Variants in GBF1 observed in about 807,000 individuals in gnomAD.
GBF1 encodes Golgi-specific brefeldin A-resistance guanine nucleotide exchange factor 1.
In GBF1, 114 loss-of-function variants were observed where a neutral mutation model predicts 210.5. The ratio of observed to expected loss-of-function variants is 0.54; its 90% CI spans 0.47 to 0.63. GBF1 has a LOEUF of 0.63. Ranked by LOEUF, GBF1 falls within the 30% of genes least tolerant of loss-of-function variation. GBF1 has a pLI of 0.00. For missense variants in GBF1, 1,851 were observed against 2,357.7 expected (o/e 0.79, Z 4.45); for synonymous variants, 850 against 889.2 (o/e 0.96, Z 0.78).
chr10:102,323,307 G>A (rs1237981933), intron 3 of GBF1, among the ~76,000 whole-genome samples: 1 of 149,608 alleles, frequency 6.7e-6, no homozygotes. Context: ...GGGCATGGAA[G>A]TCCCAGATTG....
chr10:102,342,271 T>G (rs1172504209), intron 3 of GBF1, among the ~76,000 whole-genome samples: 2 of 152,038 alleles, frequency 1.3e-5, no homozygotes, highest in African/African-American at 2.4e-5. Flanking sequence ...TCTCCTGACC[T>G]CGTGATGCGC....
In GBF1 at chr10:102,366,279, C is replaced by T; in HGVS notation, c.2310-104C>T. 1 of 1,231,524 alleles carries T rather than the reference C, an allele frequency of 8.1e-7. No homozygotes were observed. 76.3% of individuals were successfully genotyped at this position (1,231,524 alleles called of 1,614,324 possible). On this transcript the variant is annotated intron_variant, in intron 18 of 39. Coordinates refer to ENST00000369983, the MANE Select transcript of GBF1 (RefSeq NM_001377137.1). This position sits in a 1 kb window ranked among gnomAD's most constrained non-coding sequence, Gnocchi z 4.0. ...ACTGCCCCTTTACTAGAGACCTCAGCCTCCTCTCTTCCAGTAAGAGTAGGT... is the reference window on the plus strand; with the variant it reads ...ACTGCCCCTTTACTAGAGACCTCAGTCTCCTCTCTTCCAGTAAGAGTAGGT...
intron 3 of GBF1, among the ~76,000 whole-genome samples, chr10:102,283,751 G>T (rs370645375): frequency 6.6e-6 from 1 of 152,156 alleles, no homozygotes; most frequent in African/African-American, 2.4e-5. Context: ...TGTAGGTAGG[G>T]GAAAAACGTG....
chr10:102,369,398 G>A lies in GBF1; in HGVS notation c.3150+11G>A, dbSNP rs149485523. ...AAGGCTATGATAGAGGTAATTCTTAGTAGGAGACTAGTGAGCGATAACAAG... is the reference window on the plus strand; with the variant it reads ...AAGGCTATGATAGAGGTAATTCTTAATAGGAGACTAGTGAGCGATAACAAG... On this transcript the variant is annotated intron_variant, in intron 24 of 39. Coordinates refer to ENST00000369983, the MANE Select transcript of GBF1 (RefSeq NM_001377137.1). 1.3e-4 allele frequency: 211 copies of A among 1,599,770 alleles called. 2 individuals are homozygous for A. In the East Asian group the frequency reaches 3.6e-3, roughly 27 times the overall value.
chr10:102,362,050 C>CTTTTTTTTTTTTTTT (rs1164670758), intron 14 of GBF1, 138 bp downstream of exon 14: 60 of 124,730 alleles, frequency 4.8e-4, no homozygotes, highest in African/African-American at 9.9e-4. Context: ...CTTTTCTTTT[C>CTTTTTTTTTTTTTTT]TTTTTTTTTT....
intron 3 of GBF1, among the ~76,000 whole-genome samples, chr10:102,282,228 C>A (rs2075568611): frequency 6.6e-6 from 1 of 152,028 alleles, no homozygotes; most frequent in Non-Finnish European, 1.5e-5. Context: ...AGCCACCGCG[C>A]CCGGCCGCCT....
chr10:102,361,213 A>G, intron 13 of GBF1, 93 bp downstream of exon 13: 1 of 777,166 alleles, frequency 1.3e-6, no homozygotes, highest in Non-Finnish European at 2.3e-6. Flanking sequence ...CTACAGGGGT[A>G]GGATTTAGGG....
chr10:102,339,675 AAG>A (rs1402640596), intron 3 of GBF1, among the ~76,000 whole-genome samples: 1 of 152,300 alleles, frequency 6.6e-6, no homozygotes, highest in African/African-American at 2.4e-5. Context: ...CAAAAAAAAA[AAG>A]ACTTAGTATA....
At chr10:102,314,318 A>AT (rs145582570) in intron 3 of GBF1, among the ~76,000 whole-genome samples, 3,550 of 150,980 alleles carry the variant, frequency 0.024, 132 homozygotes, top group African/African-American at 0.082. Context: ...CTAATTTTTA[A>AT]TTTTTTTTGT....
chr10:102,313,368 C>T (rs1315821096), intron 3 of GBF1, among the ~76,000 whole-genome samples: 1 of 152,124 alleles, frequency 6.6e-6, no homozygotes, highest in Non-Finnish European at 1.5e-5. Flanking sequence ...ACCAGCCGCT[C>T]TGTGGGCCTG....
intron 3 of GBF1, among the ~76,000 whole-genome samples, chr10:102,262,129 C>G (rs912384699): frequency 6.6e-6 from 1 of 152,158 alleles, no homozygotes; most frequent in Admixed American, 6.5e-5. Context: ...AAGTGATCCG[C>G]CCACCTTGGC....
intron 1 of GBF1, among the ~76,000 whole-genome samples, chr10:102,253,935 T>C (rs981355423): frequency 6.6e-6 from 1 of 152,254 alleles, no homozygotes; most frequent in Non-Finnish European, 1.5e-5. Context: ...ATTTATTTGC[T>C]GTTTATGTTT....
upstream of GBF1, among the ~76,000 whole-genome samples, chr10:102,243,937 C>T (rs2070625048): frequency 6.6e-6 from 1 of 152,126 alleles, no homozygotes; most frequent in African/African-American, 2.4e-5. Flanking sequence ...CGAGACCAGC[C>T]TGTCCAACAT....
At chr10:102,360,071 C>A in intron 11 of GBF1, 113 bp from the exon 12 acceptor site, 1 of 757,302 alleles carries the variant, frequency 1.3e-6, no homozygotes, top group South Asian at 1.5e-5. Context: ...CAGCCCTTTT[C>A]TTCAAAGAGA....
the GBF1 span, among the ~76,000 whole-genome samples, chr10:102,232,544 G>T: frequency 6.6e-6 from 1 of 152,092 alleles, no homozygotes; most frequent in Non-Finnish European, 1.5e-5. Context: ...TTGCTGGGCG[G>T]GGTGGCACGT....
chr10:102,286,019 C>T (rs2075906131), intron 3 of GBF1, among the ~76,000 whole-genome samples: 1 of 152,004 alleles, frequency 6.6e-6, no homozygotes, highest in South Asian at 2.1e-4. Context: ...AAATTGTAGC[C>T]TCTACTTACC....
chr10:102,317,242 G>A (rs760761009), intron 3 of GBF1, among the ~76,000 whole-genome samples: 3 of 152,140 alleles, frequency 2.0e-5, no homozygotes, highest in Non-Finnish European at 2.9e-5. Flanking sequence ...TCTAGCCTGG[G>A]CAACATAGTG....
the GBF1 span, chr10:102,232,161 G>GC: frequency 1.2e-6 from 1 of 854,286 alleles, no homozygotes; most frequent in African/African-American, 1.7e-5. Flanking sequence ...GGTCCCAGCA[G>GC]CGTTTCCTCG....
chr10:102,317,609 A>C (rs912060358), intron 3 of GBF1, among the ~76,000 whole-genome samples: 1 of 152,184 alleles, frequency 6.6e-6, no homozygotes, highest in Non-Finnish European at 1.5e-5. Flanking sequence ...CAAGAGCAAG[A>C]CTACATCTTT....
Sources: gnomAD v4.1 joint callset for allele counts (sites outside exome capture counted in the v4.1 genomes callset) on GRCh38, gnomAD v4.1.1 for gene constraint, Gnocchi (gnomAD v3.1) non-coding constraint, MANE v1.5 for transcripts, NCBI Gene and HGNC (gene_info 2026-07-23, HGNC 2026-07-21) for gene names.